The following VIT variants were observed in gnomAD, a reference collection of about 807,000 sequenced individuals.
The protein encoded by VIT is vitrin.
VIT carries 99 observed loss-of-function variants against 78.0 expected under a neutral mutation model. The ratio of observed to expected loss-of-function variants is 1.27; its 90% CI spans 1.08 to 1.50. The LOEUF is 1.50. Among genes scored for constraint, VIT ranks in the 40% most tolerant of loss-of-function variants. The pLI is 0.00. For synonymous variants in VIT, 374 were observed against 334.3 expected, an observed-to-expected ratio of 1.12 and a Z score of -1.29; for missense variants, 1,126 against 875.3, an observed-to-expected ratio of 1.29 and a Z score of -3.61.
Position 36,808,751 on chromosome 2 carries a change from G to GA in VIT, c.1671dup (p.Gln558ThrfsTer15). The GA allele has an allele frequency of 1.9e-6, 3 of 1,614,082 alleles. No homozygotes were observed. The highest frequency in any genetic ancestry group is 2.5e-6 in the Non-Finnish European group (3 of 1,179,938). On this transcript the variant is annotated frameshift_variant, in exon 15 of 16. Transcript: ENST00000379242. LOFTEE classifies it high-confidence loss of function. The stretch of plus-strand genomic sequence containing the variant: ...CATCGGGGCCGTGCAGTACACCTAC[G>GA]AACAGCGGCTGGAGTTTGGGTTCGA...
intron 11 of VIT, 116 bp downstream of exon 11, chr2:36,783,518 C>A (rs1664900860): frequency 2.1e-6 from 2 of 964,970 alleles, no homozygotes; most frequent in Non-Finnish European, 3.2e-6. Flanking sequence ...ATCTATTTAT[C>A]TCCTCTCTTC....
At chr2:36,752,509 C>A (rs1668523141) in intron 4 of VIT, among the ~76,000 whole-genome samples, 1 of 152,220 alleles carries the variant, frequency 6.6e-6, no homozygotes, top group Non-Finnish European at 1.5e-5. Flanking sequence ...GGAAGTGGAA[C>A]TGGGTTTGCT....
intron 3 of VIT, among the ~76,000 whole-genome samples, chr2:36,733,344 C>G (rs939100456): frequency 1.4e-5 from 2 of 144,452 alleles, no homozygotes; most frequent in Non-Finnish European, 2.9e-5. Context: ...CTCTCTCTCT[C>G]CCCCCCTCTC....
Position 36,754,968 on chromosome 2 carries a change from C to T in VIT, c.323C>T (p.Ala108Val). The T allele has an allele frequency of 1.2e-6, 2 of 1,614,164 alleles. No individual in the cohort carries two copies. The highest frequency in any genetic ancestry group is 1.3e-5 in the African/African-American group (1 of 75,040). The change falls in exon 5 of 16, where the codon GCT becomes GTT. Residue 108 changes from alanine (A) to valine (V), a missense_variant. Ala to Val is a moderately conservative substitution (Grantham distance 64, BLOSUM62 0). Coordinates refer to ENST00000379242, the MANE Select transcript of VIT (RefSeq NM_053276.4). ...SGGKILVRKV[A>V]GQSGYKGSYS... ...GGGAAAATACTTGTTCGGAAGGTTG[C>T]TGGACAGTCTGGTTACAAAGGGAGT...
intron 4 of VIT, among the ~76,000 whole-genome samples, chr2:36,751,261 T>C (rs1030790209): frequency 6.6e-6 from 1 of 151,964 alleles, no homozygotes; most frequent in Non-Finnish European, 1.5e-5. Context: ...CTGGGTGTGG[T>C]GGTGGGTGCC....
intron 3 of VIT, among the ~76,000 whole-genome samples, chr2:36,742,477 T>C (rs1667891728): frequency 1.3e-5 from 2 of 152,152 alleles, no homozygotes; most frequent in Non-Finnish European, 2.9e-5. Context: ...GAGGATCCTC[T>C]AGGACCAAGA....
intron 12 of VIT, among the ~76,000 whole-genome samples, chr2:36,796,943 T>C (rs1467208163): frequency 6.6e-6 from 1 of 152,222 alleles, no homozygotes; most frequent in African/African-American, 2.4e-5. Flanking sequence ...TCAGTTTTTA[T>C]AAATTAAAAA....
chr2:36,745,829 T>C (rs879061239), intron 4 of VIT, among the ~76,000 whole-genome samples: 2 of 152,186 alleles, frequency 1.3e-5, no homozygotes, highest in African/African-American at 4.8e-5. Context: ...TGGCTAGGAC[T>C]TCTAGTACTA....
At position 36,804,535 on chromosome 2, in the gene VIT, C is replaced by T. The variant is rs1051090072; in HGVS notation, c.1163-903C>T. ...CCAGCAGAAAAGGGGCACTTCTGTT[C>T]GCATGAAAGTCTTTGGCCAGGCACG... is the stretch of plus-strand genomic sequence containing the variant. On this transcript the variant is annotated intron_variant, in intron 13 of 15. Transcript: ENST00000379242. Among the ~76,000 whole-genome samples the T allele has an allele frequency of 7.9e-5, 12 of 152,280 alleles. 1 individual carries two copies. The highest frequency in any genetic ancestry group is 4.1e-4 in the South Asian group (2 of 4,826).
At chr2:36,697,996 G>C (rs1231230016) in intron 1 of VIT, among the ~76,000 whole-genome samples, 1 of 152,162 alleles carries the variant, frequency 6.6e-6, no homozygotes, top group Non-Finnish European at 1.5e-5. Context: ...ATCAAACACT[G>C]TTTGTTTGTG....
At chr2:36,754,397 A>G (rs1002519023) in intron 4 of VIT, among the ~76,000 whole-genome samples, 5 of 152,344 alleles carry the variant, frequency 3.3e-5, no homozygotes, top group Middle Eastern at 3.4e-3. Context: ...ATCAGGATCT[A>G]AAACCTGGCA....
chr2:36,712,560 C>CA (rs1553361049), intron 1 of VIT, among the ~76,000 whole-genome samples: 2 of 152,028 alleles, frequency 1.3e-5, no homozygotes, highest in African/African-American at 4.8e-5. Flanking sequence ...ATAATTTGGC[C>CA]GGGGGTGGTG....
Position 36,774,984 on chromosome 2 carries a change from C to G in VIT, c.737-18C>G. The G allele has an allele frequency of 4.3e-6, 7 of 1,613,668 alleles. No homozygotes were observed. Among genetic ancestry groups the G allele is most frequent in the Non-Finnish European group, 5.9e-6 (7 of 1,179,842 alleles). ...GCTGGTTGTGTGTAAATCGGCTGAC[C>G]CTGTGTAATCCCCTCAGGTATCCAA... On this transcript the variant is annotated intron_variant, in intron 8 of 15. Transcript: ENST00000379242.
chr2:36,772,692 GTGAGAGCC>G (rs1406451835), intron 7 of VIT, among the ~76,000 whole-genome samples: 1 of 152,244 alleles, frequency 6.6e-6, no homozygotes, highest in Non-Finnish European at 1.5e-5. Context: ...GGGGGACAGA[GTGAGAGCC>G]TGACTGAAAA....
Position 36,814,628 on chromosome 2 carries a change from T to A in VIT, c.*267T>A. ...TACATTTTGACAATTGTTTTCAAAA[T>A]AAATGTTCGGAATACAGTGCAGCCC... is the stretch of plus-strand genomic sequence containing the variant. On this transcript the variant is annotated 3_prime_UTR_variant, in exon 16 of 16. Transcript: ENST00000379242. The A allele has an allele frequency of 2.3e-6, 1 of 429,094 alleles. No homozygotes were observed. Among genetic ancestry groups the A allele is most frequent in the Admixed American group, 3.9e-5 (1 of 25,496 alleles). The allele number at this position is 429,094 out of a possible 1,614,324, so 26.6% of individuals were successfully genotyped here.
chr2:36,738,767 A>G (rs1427765782), intron 3 of VIT, among the ~76,000 whole-genome samples: 1 of 152,232 alleles, frequency 6.6e-6, no homozygotes, highest in Non-Finnish European at 1.5e-5. Flanking sequence ...TTAGAAAGTA[A>G]AGACTTTATT....
At chr2:36,768,729 G>T (rs1446531596) in intron 7 of VIT, among the ~76,000 whole-genome samples, 9 of 152,108 alleles carry the variant, frequency 5.9e-5, no homozygotes, top group Non-Finnish European at 1.3e-4. Context: ...CCCAGGCCCA[G>T]GCAGAGCACA....
At chr2:36,773,694 A>G (rs756603746) in intron 7 of VIT, 97 bp from the exon 8 acceptor site, 56 of 1,122,212 alleles carry the variant, frequency 5.0e-5, no homozygotes, top group Middle Eastern at 3.2e-4. Flanking sequence ...ACTGCACTCC[A>G]GCTCTGGGCA....
chr2:36,718,335 C>T (rs571569215), intron 2 of VIT, among the ~76,000 whole-genome samples: 1 of 152,208 alleles, frequency 6.6e-6, no homozygotes, highest in Non-Finnish European at 1.5e-5. Context: ...GGCAAGGGGG[C>T]TCCAGGCATG....
Sources: gnomAD v4.1 joint callset for allele counts (sites outside exome capture counted in the v4.1 genomes callset) on GRCh38, gnomAD v4.1.1 for gene constraint, MANE v1.5 for transcripts, NCBI Gene and HGNC (gene_info 2026-07-23, HGNC 2026-07-21) for gene names.